Variants in SCN8A observed in about 807,000 individuals in gnomAD.
The protein encoded by SCN8A is sodium voltage-gated channel alpha subunit 8.
A neutral mutation model predicts 184.1 loss-of-function variants in SCN8A; 30 were observed. The ratio of observed to expected loss-of-function variants is 0.16; its 90% CI spans 0.12 to 0.22. The LOEUF is 0.22. SCN8A is among the 10% of genes least tolerant of loss of function. SCN8A has a pLI of 1.00. For synonymous variants in SCN8A, 852 were observed against 907.0 expected, an observed-to-expected ratio of 0.94 and a Z score of 1.09; for missense variants, 1,057 against 2,498.9, an observed-to-expected ratio of 0.42 and a Z score of 12.30.
intron 2 of SCN8A, among the ~76,000 whole-genome samples, chr12:51,665,588 T>G (rs962438311): frequency 1.3e-5 from 2 of 152,234 alleles, no homozygotes; most frequent in African/African-American, 4.8e-5. Context: ...AAAATAATAT[T>G]CTTGCTCAAG....
In SCN8A at chr12:51,690,533, A is replaced by AT. The variant is rs1359948616; in HGVS notation, c.706+1444dup. The stretch of plus-strand genomic sequence containing the variant: ...ACACCCAGCTCATTTTTAAAAAAAA[A>AT]TTTTTTTGTAGAGACAGGGTCTCCC... On this transcript the variant is annotated intron_variant, in intron 6 of 26. Transcript: ENST00000627620. Among the ~76,000 whole-genome samples the AT allele has an allele frequency of 4.6e-5, 7 of 151,262 alleles. No individual in the cohort carries two copies. The East Asian group carries it at 5.8e-4, about 13-fold the overall frequency.
chr12:51,685,754 AG>A (rs1383448799), intron 3 of SCN8A, among the ~76,000 whole-genome samples: 1 of 152,132 alleles, frequency 6.6e-6, no homozygotes, highest in Non-Finnish European at 1.5e-5. Flanking sequence ...GGACTAGGGA[AG>A]GCTGGGTATG....
At chr12:51,750,166 C>CA (rs1429623618) in intron 13 of SCN8A, among the ~76,000 whole-genome samples, 1 of 152,142 alleles carries the variant, frequency 6.6e-6, no homozygotes, top group Non-Finnish European at 1.5e-5. Context: ...CTGTGTGTAT[C>CA]AGAGTCCTGG....
intron 1 of SCN8A, among the ~76,000 whole-genome samples, chr12:51,602,270 T>C (rs1939483434): frequency 6.6e-6 from 1 of 152,178 alleles, no homozygotes; most frequent in African/African-American, 2.4e-5. Flanking sequence ...GAAACATCAC[T>C]ATGTACCCCA....
intron 21 of SCN8A, among the ~76,000 whole-genome samples, chr12:51,783,038 A>G (rs1262466962): frequency 1.3e-5 from 2 of 152,230 alleles, no homozygotes; most frequent in Non-Finnish European, 2.9e-5. Context: ...GGAATTTAAA[A>G]CAATAAATGC....
chr12:51,766,450 T>G (rs1323523584), intron 16 of SCN8A, among the ~76,000 whole-genome samples: 1 of 152,152 alleles, frequency 6.6e-6, no homozygotes, highest in Non-Finnish European at 1.5e-5. Context: ...GTGTGCATTG[T>G]AGGGTTTAGC....
chr12:51,734,896 T>C (rs544064762), intron 12 of SCN8A, among the ~76,000 whole-genome samples: 1 of 152,384 alleles, frequency 6.6e-6, no homozygotes, highest in Admixed American at 6.5e-5. Flanking sequence ...AATGGATTAC[T>C]AGCTGCTAAT....
intron 12 of SCN8A, among the ~76,000 whole-genome samples, chr12:51,737,799 A>G (rs1252323684): frequency 6.6e-6 from 1 of 152,252 alleles, no homozygotes. Context: ...CTAAAGGGAT[A>G]GTAAAGAAAC....
intron 1 of SCN8A, among the ~76,000 whole-genome samples, chr12:51,648,759 A>C (rs1223231050): frequency 6.6e-6 from 1 of 152,200 alleles, no homozygotes; most frequent in Non-Finnish European, 1.5e-5. Context: ...TGGGAGTACA[A>C]TTCAAGATGA....
At position 51,640,070 on chromosome 12, in the gene SCN8A, AT is replaced by A. The variant is rs1353132156; in HGVS notation, c.-54-22686del. Among the ~76,000 whole-genome samples, 5 of 143,518 alleles carry A rather than the reference AT, an allele frequency of 3.5e-5. No individual in the cohort carries two copies. In the South Asian group the frequency reaches 6.7e-4, roughly 19 times the overall value. The allele number at this position is 143,518 out of a possible 152,430, so 94.2% of individuals were successfully genotyped here. On this transcript the variant is annotated intron_variant, in intron 1 of 26. Coordinates refer to ENST00000627620, the MANE Select transcript of SCN8A (RefSeq NM_001330260.2). ...GGGTGTGCACCACCACACTCTGCTA[AT>A]TTTTTTTAAGTTTTTTTTTTTTTAA...
intron 1 of SCN8A, among the ~76,000 whole-genome samples, chr12:51,596,847 T>C (rs1351099022): frequency 6.6e-6 from 1 of 152,138 alleles, no homozygotes; most frequent in Non-Finnish European, 1.5e-5. Flanking sequence ...TGGCTATTCA[T>C]GAAATCTCTC....
chr12:51,706,444 C>G lies in SCN8A; in HGVS notation c.1364C>G (p.Ala455Gly). Residue 455 changes from alanine (A) to glycine (G), a missense_variant, in exon 11 of 27, where the codon GCA becomes GGA. Ala to Gly is a moderately conservative substitution (Grantham distance 60). Around this residue, in one of 19 missense-constraint regions of SCN8A, gnomAD observed 322 missense variants for 390.1 expected, o/e 0.83. Coordinates refer to ENST00000627620, the MANE Select transcript of SCN8A (RefSeq NM_001330260.2). Reference protein sequence around the residue: ...EAQAAAMATSAGTVSEDAIEE... With the variant: ...EAQAAAMATSGGTVSEDAIEE... ...TAGGCTGCTGCGATGGCCACTTCAG[C>G]AGGAACTGTCTCAGAAGATGCCATA... is the stretch of plus-strand genomic sequence containing the variant. 6.3e-7 allele frequency: 1 copy of G among 1,595,742 alleles called. No homozygotes were observed. The highest frequency in any genetic ancestry group is 1.3e-5 in the African/African-American group (1 of 74,472).
intron 11 of SCN8A, among the ~76,000 whole-genome samples, chr12:51,708,210 A>G (rs1388753361): frequency 6.6e-6 from 1 of 152,228 alleles, no homozygotes; most frequent in East Asian, 1.9e-4. Context: ...GTCATGAAAC[A>G]GGACATCTTA....
chr12:51,781,462 A>C (rs1171832141), intron 21 of SCN8A, among the ~76,000 whole-genome samples: 1 of 152,098 alleles, frequency 6.6e-6, no homozygotes, highest in African/African-American at 2.4e-5. Flanking sequence ...ACCAGGTATG[A>C]TGCTAGATGA....
At chr12:51,759,000 G>GTATA (rs1015179127) in intron 14 of SCN8A, among the ~76,000 whole-genome samples, 1 of 149,696 alleles carries the variant, frequency 6.7e-6, no homozygotes, top group African/African-American at 2.5e-5. Flanking sequence ...GTGTGTGTGT[G>GTATA]TATATATATA....
At chr12:51,597,692 A>G (rs1167809211) in intron 1 of SCN8A, among the ~76,000 whole-genome samples, 2 of 152,192 alleles carry the variant, frequency 1.3e-5, no homozygotes, top group East Asian at 1.9e-4. Context: ...TTATTTTAAT[A>G]GTATAGACAG....
At chr12:51,609,079 CCA>C (rs1400858684) in intron 1 of SCN8A, among the ~76,000 whole-genome samples, 1 of 152,122 alleles carries the variant, frequency 6.6e-6, no homozygotes, top group East Asian at 1.9e-4. Flanking sequence ...TAGTTTTATT[CCA>C]CTGTGGTCTG....
At chr12:51,593,844 G>A (rs1229379836) in intron 1 of SCN8A, among the ~76,000 whole-genome samples, 1 of 152,164 alleles carries the variant, frequency 6.6e-6, no homozygotes, top group Non-Finnish European at 1.5e-5. Context: ...TTTACAGGCT[G>A]CAACAGATCC....
intron 11 of SCN8A, among the ~76,000 whole-genome samples, chr12:51,720,940 G>A (rs943551773): frequency 1.3e-5 from 2 of 151,402 alleles, no homozygotes; most frequent in Non-Finnish European, 2.9e-5. Context: ...GGTGGTGGAT[G>A]CCTGTAATCC....
Sources: allele counts gnomAD v4.1 joint callset (sites outside exome capture counted in the v4.1 genomes callset), GRCh38; gene constraint gnomAD v4.1.1; regional missense constraint gnomAD v4.1.1; transcripts MANE v1.5; gene names NCBI Gene and HGNC (gene_info 2026-07-23, HGNC 2026-07-21).